Variants in RUNX1 observed in about 807,000 individuals in gnomAD.
RUNX1 encodes runt-related transcription factor 1.
A neutral mutation model predicts 42.8 loss-of-function variants in RUNX1; 19 were observed. The ratio of observed to expected loss-of-function variants is 0.44; its 90% CI spans 0.31 to 0.65. The LOEUF is 0.65. Ranked by LOEUF, RUNX1 falls within the 30% of genes least tolerant of loss-of-function variation. The pLI is 0.07. For missense variants in RUNX1, 528 were observed against 672.0 expected (o/e 0.79, Z 2.37); for synonymous variants, 271 against 289.4 (o/e 0.94, Z 0.64).
At chr21:34,916,751 C>T (rs2834673) in intron 2 of RUNX1, among the ~76,000 whole-genome samples, 51,326 of 151,924 alleles carry the variant, frequency 0.34, 10,332 homozygotes, top group East Asian at 0.56. Context: ...GATGCAGCTG[C>T]GGGACATATC....
intron 5 of RUNX1, among the ~76,000 whole-genome samples, chr21:34,865,466 G>A (rs1175538403): frequency 6.6e-6 from 1 of 152,194 alleles, no homozygotes; most frequent in Non-Finnish European, 1.5e-5. Context: ...CCAGGCCAGT[G>A]CTCCTCACTG....
At chr21:35,040,005 AAG>A (rs1364400411) in intron 2 of RUNX1, among the ~76,000 whole-genome samples, 10 of 152,260 alleles carry the variant, frequency 6.6e-5, no homozygotes, top group African/African-American at 1.9e-4. Flanking sequence ...GGGCTGGGAT[AAG>A]AGAGAACACT....
chr21:34,910,082 C>T (rs148620041), intron 2 of RUNX1, among the ~76,000 whole-genome samples: 386 of 152,350 alleles, frequency 2.5e-3, no homozygotes, highest in African/African-American at 8.8e-3. Flanking sequence ...TCAAGATTTG[C>T]ATAAATTGGC....
intron 2 of RUNX1, among the ~76,000 whole-genome samples, chr21:34,982,417 T>TGTGTGTGTGA (rs1003179360): frequency 6.6e-6 from 1 of 151,604 alleles, no homozygotes; most frequent in Non-Finnish European, 1.5e-5. Flanking sequence ...TGTGTGTGTG[T>TGTGTGTGTGA]GACGGAAAGA....
chr21:34,792,480 G>A lies in RUNX1; in HGVS notation c.1098C>T (p.Ile366=), dbSNP rs767561590. 7 of 1,589,286 alleles carry A rather than the reference G, an allele frequency of 4.4e-6. No homozygotes were observed. The Admixed American group carries it at 1.2e-4, about 28-fold the overall frequency. Residue 366 remains isoleucine (I), a synonymous_variant, in exon 9 of 9, where the codon ATC becomes ATT. Transcript: ENST00000675419. This position sits in a 1 kb window ranked among gnomAD's most constrained non-coding sequence, Gnocchi z 6.9. ...SPTPVTSGIG[I]GMSAMGSATR... is the part of the protein sequence containing the mutation. ...TGGCCGAGCCCATGGCCGACATGCC[G>A]ATGCCGATGCCCGAGGTGACCGGCG...
At position 35,038,078 on chromosome 21, in the gene RUNX1, T is replaced by C. The variant is rs368551536; in HGVS notation, c.58+10764A>G. On this transcript the variant is annotated intron_variant, in intron 2 of 8. Coordinates refer to ENST00000675419, the MANE Select transcript of RUNX1 (RefSeq NM_001754.5). ...CTTATTGACTTCCTCTGCGTGTCCA[T>C]TGCTTTATACATATTGTCTCAAATC... 1.4e-4 allele frequency among the ~76,000 whole-genome samples: 22 copies of C among 152,280 alleles called. No individual in the cohort carries two copies. The South Asian group carries it at 3.5e-3, about 24-fold the overall frequency.
In RUNX1 at chr21:34,790,637, T is replaced by G; in HGVS notation, c.*1498A>C. On this transcript the variant is annotated 3_prime_UTR_variant, in exon 9 of 9. Transcript: ENST00000675419. ...CACAGGTAAAAGCCCATATACCCCATAGGGTAGGGTCTCAGCCTGGTGAAA... is the reference window on the plus strand; with the variant it reads ...CACAGGTAAAAGCCCATATACCCCAGAGGGTAGGGTCTCAGCCTGGTGAAA... 4.3e-6 allele frequency: 1 copy of G among 233,210 alleles called. No individual in the cohort carries two copies. Among genetic ancestry groups the G allele is most frequent in the Non-Finnish European group, 8.5e-6 (1 of 118,022 alleles). The allele number at this position is 233,210 out of a possible 1,614,324, so 14.4% of individuals were successfully genotyped here. A position where few individuals can be genotyped will look rare whatever the true frequency, so the allele number is the denominator to read the frequency against.
intron 6 of RUNX1, among the ~76,000 whole-genome samples, chr21:34,857,687 C>T (rs1245978003): frequency 6.6e-6 from 1 of 152,192 alleles, no homozygotes; most frequent in Non-Finnish European, 1.5e-5. Context: ...CTGCCTCCCT[C>T]CCAGCCAGGC....
At chr21:34,824,584 T>A (rs2056961435) in intron 7 of RUNX1, among the ~76,000 whole-genome samples, 2 of 152,188 alleles carry the variant, frequency 1.3e-5, no homozygotes, top group African/African-American at 2.4e-5. Flanking sequence ...AGGCAATTGT[T>A]CAATAATGAG....
intron 2 of RUNX1, among the ~76,000 whole-genome samples, chr21:35,014,746 C>T (rs566514032): frequency 1.3e-5 from 2 of 152,368 alleles, no homozygotes; most frequent in African/African-American, 4.8e-5. Context: ...TGCTTTCCAG[C>T]CACAGACGGG....
chr21:34,920,542 G>A (rs960217445), intron 2 of RUNX1, among the ~76,000 whole-genome samples: 1 of 152,140 alleles, frequency 6.6e-6, no homozygotes, highest in African/African-American at 2.4e-5. Flanking sequence ...ACATACCTGG[G>A]AACACCTGGA....
Position 34,792,540 on chromosome 21 carries a change from G to A in RUNX1, c.1038C>T (p.Arg346=), listed in dbSNP as rs1444425488. 1.2e-6 allele frequency: 2 copies of A among 1,606,690 alleles called. No homozygotes were observed. The highest frequency in any genetic ancestry group is 1.1e-5 in the South Asian group (1 of 89,724). The change falls in exon 9 of 9, where the codon CGC becomes CGT. Residue 346 remains arginine (R), a synonymous_variant. Transcript: ENST00000675419. This position sits in a 1 kb window ranked among gnomAD's most constrained non-coding sequence, Gnocchi z 6.9. ...AGGTGAAGGCGCCTGGATAGTGCAT[G>A]CGGGGGTCGGAGATGGAGGGCAGCG... ...FPALPSISDP[R]MHYPGAFTYS... is the part of the protein sequence containing the mutation.
Position 35,048,973 on chromosome 21 carries a change from C to T in RUNX1, c.-59-15G>A. The T allele has an allele frequency of 7.7e-6, 10 of 1,292,114 alleles. No homozygotes were observed. Among genetic ancestry groups the T allele is most frequent in the Non-Finnish European group, 1.1e-5 (10 of 889,266 alleles). 80.0% of individuals were successfully genotyped at this position (1,292,114 alleles called of 1,614,324 possible). A position where few individuals can be genotyped will look rare whatever the true frequency, so the allele number is the denominator to read the frequency against. On this transcript the variant is annotated splice_polypyrimidine_tract_variant and intron_variant, in intron 1 of 8. Transcript: ENST00000675419. Reference sequence around the variant, plus strand: ...ATTTCTTTTACCTTCGGAGCGAAAACCAAGACAGGTCACTGTTTCAGCCTC... The same window carrying T: ...ATTTCTTTTACCTTCGGAGCGAAAATCAAGACAGGTCACTGTTTCAGCCTC...
chr21:35,007,596 C>G (rs151068736), intron 2 of RUNX1, among the ~76,000 whole-genome samples: 3 of 152,316 alleles, frequency 2.0e-5, no homozygotes, highest in African/African-American at 7.2e-5. Context: ...TCCAGGATAG[C>G]AGCCCTTTTG....
chr21:34,792,013 CCCCAGGACGGTGGCCGGG>C lies in RUNX1; in HGVS notation c.*104_*121del. ...GATCCTGGCCGTCGGGCGCCCTCGGCCCCAGGACGGTGGCCGGGCCCAGGGCCCGGGATCCCGGCGGGC... is the reference window on the plus strand; with the variant it reads ...GATCCTGGCCGTCGGGCGCCCTCGGCCCCAGGGCCCGGGATCCCGGCGGGC... On this transcript the variant is annotated 3_prime_UTR_variant, in exon 9 of 9. Coordinates refer to ENST00000675419, the MANE Select transcript of RUNX1 (RefSeq NM_001754.5). The surrounding 1 kb of genome is among the most constrained non-coding windows in gnomAD (Gnocchi z 6.9). 1 of 597,724 alleles carries C rather than the reference CCCCAGGACGGTGGCCGGG, an allele frequency of 1.7e-6. No individual in the cohort carries two copies. The highest frequency in any genetic ancestry group is 2.1e-5 in the South Asian group (1 of 47,116). 37.0% of individuals were successfully genotyped at this position (597,724 alleles called of 1,614,324 possible).
chr21:34,965,102 C>A (rs542101369), intron 2 of RUNX1, among the ~76,000 whole-genome samples: 1 of 151,914 alleles, frequency 6.6e-6, no homozygotes, highest in Non-Finnish European at 1.5e-5. Context: ...CTCATGCACA[C>A]GCACATACAC....
chr21:34,958,496 T>G (rs989844125), intron 2 of RUNX1, among the ~76,000 whole-genome samples: 3 of 152,058 alleles, frequency 2.0e-5, no homozygotes, highest in African/African-American at 7.3e-5. Flanking sequence ...AAAACCACAG[T>G]GAGATACCAT....
chr21:34,854,400 C>T (rs188298774), intron 6 of RUNX1, among the ~76,000 whole-genome samples: 19 of 152,052 alleles, frequency 1.2e-4, no homozygotes, highest in African/African-American at 4.6e-4. Flanking sequence ...TAAGTAATGG[C>T]TCCACCTTAC....
chr21:34,993,046 G>A (rs2058957753), intron 2 of RUNX1, among the ~76,000 whole-genome samples: 1 of 152,258 alleles, frequency 6.6e-6, no homozygotes, highest in Non-Finnish European at 1.5e-5. Context: ...CTGCCAGGAA[G>A]GGCATCTGGG....
Sources: gnomAD v4.1 joint callset for allele counts (sites outside exome capture counted in the v4.1 genomes callset) on GRCh38, gnomAD v4.1.1 for gene constraint, Gnocchi (gnomAD v3.1) non-coding constraint, MANE v1.5 for transcripts, NCBI Gene and HGNC (gene_info 2026-07-23, HGNC 2026-07-21) for gene names.